Variants in TENM4 observed in about 807,000 individuals in gnomAD.
The protein encoded by TENM4 is teneurin transmembrane protein 4, also known as teneurin-4.
Under a neutral mutation model 243.3 loss-of-function variants are expected in TENM4, and 82 were observed. That is an observed-to-expected ratio of 0.34 (90% CI 0.28 to 0.40). The LOEUF is 0.40. Ranked by LOEUF, TENM4 falls within the 10% of genes least tolerant of loss-of-function variation. The pLI, the probability that TENM4 is intolerant of heterozygous loss-of-function variation, is 1.00. For missense variants in TENM4, 3,138 were observed against 3,673.3 expected, an observed-to-expected ratio of 0.85 and a Z score of 3.77; for synonymous variants, 1,412 against 1,456.3, an observed-to-expected ratio of 0.97 and a Z score of 0.69.
chr11:79,202,105 A>T (rs1470917298), intron 3 of TENM4, among the ~76,000 whole-genome samples: 2 of 152,068 alleles, frequency 1.3e-5, no homozygotes. Context: ...AGATGATGTG[A>T]GTCTGTTTGG....
chr11:79,004,709 A>G (rs1223265463), intron 6 of TENM4, among the ~76,000 whole-genome samples: 2 of 152,154 alleles, frequency 1.3e-5, no homozygotes, highest in Non-Finnish European at 2.9e-5. Flanking sequence ...ACAAGAGCAA[A>G]CCAACTCCAA....
At chr11:79,148,642 A>T in intron 4 of TENM4, 68 bp downstream of exon 4, 1 of 379,478 alleles carries the variant, frequency 2.6e-6, no homozygotes, top group Non-Finnish European at 3.6e-6. Flanking sequence ...AGAGGTAGAG[A>T]AAAAAAGAAC....
chr11:78,736,870 A>G (rs1413684962), intron 20 of TENM4, among the ~76,000 whole-genome samples: 1 of 152,156 alleles, frequency 6.6e-6, no homozygotes, highest in Non-Finnish European at 1.5e-5. Context: ...GTAATTTAGG[A>G]GGATGATGCA....
intron 4 of TENM4, among the ~76,000 whole-genome samples, chr11:79,086,325 C>T (rs758726033): frequency 1.2e-4 from 19 of 152,236 alleles, no homozygotes; most frequent in Non-Finnish European, 2.5e-4. Context: ...ATTATAGCCA[C>T]ACAGGTGAAC....
intron 26 of TENM4, among the ~76,000 whole-genome samples, chr11:78,709,002 C>A (rs569532736): frequency 7.3e-6 from 1 of 137,118 alleles, no homozygotes; most frequent in East Asian, 2.0e-4. Context: ...GAGTCTCGTT[C>A]TGTCACCCAG....
At chr11:79,077,316 G>T (rs1333825000) in intron 4 of TENM4, among the ~76,000 whole-genome samples, 1 of 152,180 alleles carries the variant, frequency 6.6e-6, no homozygotes, top group East Asian at 1.9e-4. Flanking sequence ...GCCAAGGTGG[G>T]TCAAAGGTGG....
chr11:79,117,621 A>T (rs536935548), intron 4 of TENM4, among the ~76,000 whole-genome samples: 1 of 152,322 alleles, frequency 6.6e-6, no homozygotes, highest in Admixed American at 6.5e-5. Context: ...TGTTCAAGCC[A>T]GTTCCAAGTG....
At chr11:78,946,375 C>A (rs1857002229) in intron 6 of TENM4, among the ~76,000 whole-genome samples, 1 of 152,144 alleles carries the variant, frequency 6.6e-6, no homozygotes, top group African/African-American at 2.4e-5. Context: ...ATGTTTTAAG[C>A]CCATTGTTGA....
chr11:78,700,032 G>A (rs1342544267), intron 28 of TENM4, among the ~76,000 whole-genome samples: 1 of 152,202 alleles, frequency 6.6e-6, no homozygotes, highest in African/African-American at 2.4e-5. Context: ...CTTGTTTGGA[G>A]AAAGGAATTT....
chr11:79,021,371 A>G (rs369777356), intron 6 of TENM4, among the ~76,000 whole-genome samples: 2 of 152,146 alleles, frequency 1.3e-5, no homozygotes, highest in East Asian at 3.8e-4. Flanking sequence ...AGCTAACCCT[A>G]AAAAAAGGAT....
At chr11:78,677,086 A>C (rs1286349773) in intron 29 of TENM4, among the ~76,000 whole-genome samples, 1 of 152,216 alleles carries the variant, frequency 6.6e-6, no homozygotes, top group Non-Finnish European at 1.5e-5. Context: ...TTATAAATAT[A>C]CTAAAAGCCA....
intron 23 of TENM4, among the ~76,000 whole-genome samples, chr11:78,724,380 C>G (rs1304194804): frequency 6.6e-6 from 1 of 152,232 alleles, no homozygotes; most frequent in African/African-American, 2.4e-5. Flanking sequence ...GCATGAGCCA[C>G]GGTGCCTGGC....
chr11:79,343,843 T>G (rs982758107), intron 1 of TENM4, among the ~76,000 whole-genome samples: 3 of 152,222 alleles, frequency 2.0e-5, no homozygotes, highest in Non-Finnish European at 4.4e-5. Flanking sequence ...GAGGCAGGGC[T>G]GCTTCCCCAG....
intron 25 of TENM4, among the ~76,000 whole-genome samples, chr11:78,714,671 ACCCTCCCATCCTCCCTC>A (rs943856142): frequency 6.0e-5 from 9 of 151,014 alleles, no homozygotes; most frequent in African/African-American, 2.2e-4. Flanking sequence ...GTGCTGCTCC[ACCCTCCCATCCTCCCTC>A]CCCTCCCATC....
intron 1 of TENM4, among the ~76,000 whole-genome samples, chr11:79,324,613 TGGATAC>T (rs1380117618): frequency 6.6e-6 from 1 of 152,100 alleles, no homozygotes; most frequent in South Asian, 2.1e-4. Context: ...GCCAACTGTA[TGGATAC>T]GGATATAGAT....
chr11:79,296,279 A>T (rs903390037), intron 2 of TENM4, among the ~76,000 whole-genome samples: 1 of 152,186 alleles, frequency 6.6e-6, no homozygotes, highest in East Asian at 1.9e-4. Flanking sequence ...AAGCTTTGGT[A>T]AAAAAGCAGC....
At chr11:79,004,121 G>A (rs1482075592) in intron 6 of TENM4, among the ~76,000 whole-genome samples, 7 of 152,230 alleles carry the variant, frequency 4.6e-5, no homozygotes, top group East Asian at 1.9e-4. Context: ...ATCCAACACC[G>A]GAGAACTCAG....
At chr11:78,704,172 T>TAC (rs1859185907) in intron 27 of TENM4, among the ~76,000 whole-genome samples, 1 of 106,910 alleles carries the variant, frequency 9.4e-6, no homozygotes, top group Non-Finnish European at 2.2e-5. Flanking sequence ...TATATATATA[T>TAC]ATATATATAT....
intron 6 of TENM4, among the ~76,000 whole-genome samples, chr11:78,929,760 G>T (rs1170744255): frequency 1.5e-4 from 23 of 152,168 alleles, no homozygotes. Flanking sequence ...ATTCTCTTGT[G>T]TCAAAAGTTC....
Sources: allele counts gnomAD v4.1 joint callset (sites outside exome capture counted in the v4.1 genomes callset), GRCh38; gene constraint gnomAD v4.1.1; transcripts MANE v1.5; gene names NCBI Gene and HGNC (gene_info 2026-07-23, HGNC 2026-07-21).